PARVB: variants seen among roughly 807,000 people sequenced by gnomAD.
PARVB encodes beta-parvin.
A neutral mutation model predicts 47.0 loss-of-function variants in PARVB; 46 were observed. The ratio of observed to expected loss-of-function variants is 0.98; its 90% CI spans 0.77 to 1.25. PARVB has a LOEUF of 1.25. PARVB is among the 50% of genes most tolerant of loss of function. The pLI is 0.00. For synonymous variants in PARVB, 196 were observed against 196.3 expected (o/e 1.00, Z 0.01); for missense variants, 473 against 471.6 (o/e 1.00, Z -0.03).
chr22:44,087,150 G>C (rs949917447), intron 1 of PARVB: 1 of 152,246 alleles, frequency 6.6e-6, no homozygotes, highest in Non-Finnish European at 1.5e-5. Context: ...AGTTCTTTTA[G>C]ATGTGCAGGG....
intron 10 of PARVB, among the ~76,000 whole-genome samples, chr22:44,154,534 GGTGT>G (rs111362553): frequency 0.14 from 19,592 of 144,768 alleles, 1,830 homozygotes; most frequent in South Asian, 0.29. Flanking sequence ...TAGTCTGGTG[GGTGT>G]GTGTGTGTGT....
At chr22:44,082,620 C>T (rs1361537704) in intron 1 of PARVB, among the ~76,000 whole-genome samples, 1 of 152,184 alleles carries the variant, frequency 6.6e-6, no homozygotes, top group Non-Finnish European at 1.5e-5. Context: ...AGAATGTGTC[C>T]TCCTTTGTAG....
In PARVB at chr22:44,100,127, A is replaced by G. The variant is rs369658995; in HGVS notation, c.273+4A>G. On this transcript the variant is annotated splice_donor_region_variant and intron_variant, in intron 3 of 12. Coordinates refer to ENST00000338758, the MANE Select transcript of PARVB (RefSeq NM_013327.5). ...CAAGTTCAAGGAACTGGTCAAGGTA[A>G]GGAGCTCCGTCTTGGTTGGAATCTT... 1 of 1,611,240 alleles carries G rather than the reference A, an allele frequency of 6.2e-7. No individual in the cohort carries two copies. Among genetic ancestry groups the G allele is most frequent in the South Asian group, 1.1e-5 (1 of 91,024 alleles).
intron 1 of PARVB, among the ~76,000 whole-genome samples, chr22:44,041,147 A>T (rs1215839314): frequency 6.6e-6 from 1 of 152,206 alleles, no homozygotes; most frequent in Admixed American, 6.5e-5. Flanking sequence ...AAACAAGTAT[A>T]GACAAAGGTG....
intron 1 of PARVB, among the ~76,000 whole-genome samples, chr22:44,062,877 G>A (rs1335182951): frequency 6.6e-6 from 1 of 151,710 alleles, no homozygotes; most frequent in Non-Finnish European, 1.5e-5. Flanking sequence ...GATTTTTACG[G>A]AGGCTTCATC....
intron 1 of PARVB, among the ~76,000 whole-genome samples, chr22:44,037,187 G>GA (rs1299524435): frequency 6.6e-6 from 1 of 151,940 alleles, no homozygotes; most frequent in Non-Finnish European, 1.5e-5. Flanking sequence ...AACAAAAAAA[G>GA]AAAAAACAGC....
At chr22:44,001,198 C>T (rs1445212342) in intron 2 of PARVB, among the ~76,000 whole-genome samples, 4 of 152,100 alleles carry the variant, frequency 2.6e-5, no homozygotes, top group Admixed American at 2.0e-4. Flanking sequence ...TGCAGTGAGC[C>T]GAGATCACGC....
chr22:44,154,692 T>A (rs1047486799), intron 10 of PARVB, among the ~76,000 whole-genome samples: 5 of 147,998 alleles, frequency 3.4e-5, no homozygotes, highest in African/African-American at 1.2e-4. Context: ...GTGGTTTTCG[T>A]TGTCTGTGTG....
intron 7 of PARVB, among the ~76,000 whole-genome samples, chr22:44,138,492 G>T (rs1472939782): frequency 6.6e-6 from 1 of 152,236 alleles, no homozygotes; most frequent in South Asian, 2.1e-4. Context: ...TTCTCCTCAG[G>T]GCTGGTCATC....
At chr22:44,026,855 G>A (rs1163148024) in intron 1 of PARVB, among the ~76,000 whole-genome samples, 2 of 152,030 alleles carry the variant, frequency 1.3e-5, no homozygotes, top group African/African-American at 2.4e-5. Context: ...GGGAAGGGGC[G>A]GGCTCATCGG....
chr22:44,139,111 G>C (rs1395642859), intron 7 of PARVB: 1 of 152,222 alleles, frequency 6.6e-6, no homozygotes, highest in Non-Finnish European at 1.5e-5. Flanking sequence ...TGGCCTCGTG[G>C]TTCTCCAGGA....
At chr22:44,167,117 G>A (rs2054185180) in intron 12 of PARVB, among the ~76,000 whole-genome samples, 1 of 152,148 alleles carries the variant, frequency 6.6e-6, no homozygotes. Flanking sequence ...GCAATGATGG[G>A]CATCCTGGCC....
rs144112833 is a variant in PARVB at position 44,134,785 on chromosome 22, C to G, written c.634-1675C>G. Among the ~76,000 whole-genome samples, 5 of 152,302 alleles carry G rather than the reference C, an allele frequency of 3.3e-5. No homozygotes were observed. The East Asian group carries it at 7.7e-4, about 24-fold the overall frequency. On this transcript the variant is annotated intron_variant, in intron 6 of 12. Transcript: ENST00000338758. ...AGGAAGGAAAGGGCCTTATTTACTG[C>G]CTGGCCACGTGGCTTTGGGCTGATC... is the stretch of plus-strand genomic sequence containing the variant.
chr22:44,061,911 C>A (rs2051427744), intron 1 of PARVB, among the ~76,000 whole-genome samples: 1 of 152,160 alleles, frequency 6.6e-6, no homozygotes, highest in South Asian at 2.1e-4. Flanking sequence ...GCCACCACAC[C>A]CAGTCAGATT....
chr22:44,008,897 G>T (rs759065471), intron 2 of PARVB, among the ~76,000 whole-genome samples: 44 of 152,268 alleles, frequency 2.9e-4, no homozygotes, highest in Non-Finnish European at 5.1e-4. Flanking sequence ...GCTGAGGCAG[G>T]AGAATGGCGT....
At chr22:44,017,314 G>A (rs925050353) in intron 2 of PARVB, among the ~76,000 whole-genome samples, 1 of 152,128 alleles carries the variant, frequency 6.6e-6, no homozygotes, top group Non-Finnish European at 1.5e-5. Flanking sequence ...CAGTGCTTTG[G>A]GTCTGAGAAT....
At chr22:43,999,626 G>C (rs2050390762) in exon 2 of PARVB, 18 of 1,613,744 alleles carry the variant, frequency 1.1e-5, no homozygotes, top group Non-Finnish European at 1.4e-5. Context: ...CTTCTCCCTG[G>C]CTCAGACAGA....
chr22:44,004,274 C>T (rs566208046), intron 2 of PARVB, among the ~76,000 whole-genome samples: 10 of 152,178 alleles, frequency 6.6e-5, no homozygotes, highest in Admixed American at 1.3e-4. Flanking sequence ...AGGTCGCGCG[C>T]GAAGTCAGTG....
intron 2 of PARVB, among the ~76,000 whole-genome samples, chr22:44,010,296 C>T (rs1442448012): frequency 6.6e-6 from 1 of 152,118 alleles, no homozygotes; most frequent in African/African-American, 2.4e-5. Context: ...TTCTGCTTAA[C>T]CCCATGTGAT....
Sources: allele counts gnomAD v4.1 joint callset (sites outside exome capture counted in the v4.1 genomes callset), GRCh38; gene constraint gnomAD v4.1.1; transcripts MANE v1.5; gene names NCBI Gene and HGNC (gene_info 2026-07-23, HGNC 2026-07-21).